The following GABRG1 variants were observed in gnomAD, a reference collection of about 807,000 sequenced individuals.
GABRG1 encodes the protein gamma-aminobutyric acid type A receptor subunit gamma1, also known as gamma-aminobutyric acid receptor subunit gamma-1.
In GABRG1, 49 loss-of-function variants were observed where a neutral mutation model predicts 49.8. The observed-to-expected ratio is 0.98, with a 90% CI of 0.78 to 1.25. The LOEUF (loss-of-function observed/expected upper bound fraction) is 1.25, where lower values mean the gene tolerates loss of function less well. Ranked by LOEUF, GABRG1 falls within the 50% of genes most tolerant of loss-of-function variation. The pLI, the probability that GABRG1 is intolerant of heterozygous loss-of-function variation, is 0.00. For synonymous variants in GABRG1, 232 were observed against 185.1 expected, an observed-to-expected ratio of 1.25 and a Z score of -2.06; for missense variants, 552 against 552.3, an observed-to-expected ratio of 1.00 and a Z score of 0.01.
At position 46,058,298 on chromosome 4, in the gene GABRG1, T is replaced by C. The variant is rs756652892; in HGVS notation, c.835A>G (p.Ile279Val). Residue 279 changes from isoleucine to valine, a missense_variant, in exon 7 of 9, where the codon ATT becomes GTT. Ile to Val is a conservative substitution (Grantham distance 29). Transcript: ENST00000295452. ...AGAACAACTGTCAGAATGCATGGAA[T>C]GTAGGTCTGAATAGTGAAATATCCC... ...RMGYFTIQTY[I>V]PCILTVVLSW... 49 of 1,613,116 alleles carry C rather than the reference T, an allele frequency of 3.0e-5. No homozygotes were observed. The highest frequency in any genetic ancestry group is 3.9e-5 in the Non-Finnish European group (46 of 1,179,422).
In GABRG1 at chr4:46,038,717, G is replaced by C. The variant is rs1717628839; in HGVS notation, c.*2271C>G. 6.6e-6 allele frequency: 1 copy of C among 151,516 alleles called. No individual in the cohort carries two copies. Among genetic ancestry groups the C allele is most frequent in the Non-Finnish European group, 1.5e-5 (1 of 67,634 alleles). 9.4% of individuals were successfully genotyped at this position (151,516 alleles called of 1,614,324 possible). A position where few individuals can be genotyped will look rare whatever the true frequency, so the allele number is the denominator to read the frequency against. On this transcript the variant is annotated 3_prime_UTR_variant, in exon 9 of 9. Transcript: ENST00000295452. ...CTTATTTTTAGAAATAATAAGATTT[G>C]TACGCCATTCTTTCTGATCACACAT... is the stretch of plus-strand genomic sequence containing the variant.
chr4:46,066,482 C>T (rs927182931), intron 3 of GABRG1, among the ~76,000 whole-genome samples: 1 of 152,108 alleles, frequency 6.6e-6, no homozygotes. Context: ...TTTTCAGTAA[C>T]ATCTATTAAT....
At chr4:46,089,468 G>T (rs1719901914) in intron 2 of GABRG1, among the ~76,000 whole-genome samples, 1 of 151,902 alleles carries the variant, frequency 6.6e-6, no homozygotes, top group African/African-American at 2.4e-5. Flanking sequence ...ATAAAGAGAT[G>T]GAATAAAACA....
At chr4:46,061,410 G>A (rs1378450018) in intron 5 of GABRG1, among the ~76,000 whole-genome samples, 1 of 151,994 alleles carries the variant, frequency 6.6e-6, no homozygotes, top group Non-Finnish European at 1.5e-5. Context: ...TGAATAAAAT[G>A]TCATATTACA....
chr4:46,087,451 T>C (rs1322487698), intron 2 of GABRG1, among the ~76,000 whole-genome samples: 2 of 151,694 alleles, frequency 1.3e-5, no homozygotes, highest in Non-Finnish European at 3.0e-5. Flanking sequence ...ATAAAAAAGA[T>C]ATCTTTAAAA....
chr4:46,113,298 G>A (rs947667778), intron 1 of GABRG1, among the ~76,000 whole-genome samples: 12 of 151,192 alleles, frequency 7.9e-5, no homozygotes, highest in Admixed American at 2.6e-4. Context: ...AAGGCAAAGG[G>A]GAAGCAAGGT....
In GABRG1 at chr4:46,100,707, G is replaced by GAC. The variant is rs1553883138; in HGVS notation, c.105-3359_105-3358insGT. On this transcript the variant is annotated intron_variant, in intron 1 of 8. Coordinates refer to ENST00000295452, the MANE Select transcript of GABRG1 (RefSeq NM_173536.4). ...GATTGCAATCAAATGGAAGATTTTA[G>GAC]AAAAAAAAAAAAAAAGCTTTTTCTG... Among the ~76,000 whole-genome samples the GAC allele has an allele frequency of 1.1e-4, 14 of 127,054 alleles. No individual in the cohort carries two copies. In the East Asian group the frequency reaches 2.2e-3, roughly 20 times the overall value. 83.4% of individuals were successfully genotyped at this position (127,054 alleles called of 152,430 possible). A position where few individuals can be genotyped will look rare whatever the true frequency, so the allele number is the denominator to read the frequency against.
At chr4:46,075,185 T>C (rs1449465470) in intron 3 of GABRG1, among the ~76,000 whole-genome samples, 1 of 152,006 alleles carries the variant, frequency 6.6e-6, no homozygotes, top group African/African-American at 2.4e-5. Flanking sequence ...GTAAGTACCA[T>C]TGTTTACTTT....
At chr4:46,049,502 G>C (rs921088033) in intron 8 of GABRG1, among the ~76,000 whole-genome samples, 1 of 151,848 alleles carries the variant, frequency 6.6e-6, no homozygotes, top group Non-Finnish European at 1.5e-5. Flanking sequence ...TACTCAAGTA[G>C]TCAATTATAA....
chr4:46,105,100 C>T (rs1412063101), intron 1 of GABRG1, among the ~76,000 whole-genome samples: 1 of 151,164 alleles, frequency 6.6e-6, no homozygotes, highest in Non-Finnish European at 1.5e-5. Flanking sequence ...AACCAGATTC[C>T]CAAACTCCAT....
intron 3 of GABRG1, among the ~76,000 whole-genome samples, chr4:46,081,426 A>G (rs1056868966): frequency 2.0e-5 from 3 of 151,874 alleles, no homozygotes; most frequent in Non-Finnish European, 2.9e-5. Flanking sequence ...GAATGCTATC[A>G]CTACAGTAAT....
At chr4:46,052,081 T>G (rs184751589) in intron 7 of GABRG1, among the ~76,000 whole-genome samples, 78 of 151,970 alleles carry the variant, frequency 5.1e-4, no homozygotes, top group Admixed American at 9.2e-4. Context: ...TTCCTTCTCA[T>G]TGCCTTCTGC....
intron 7 of GABRG1, among the ~76,000 whole-genome samples, chr4:46,057,826 C>G (rs576505320): frequency 1.3e-5 from 2 of 151,966 alleles, no homozygotes; most frequent in Admixed American, 6.6e-5. Flanking sequence ...CTGCACACCT[C>G]AGTAAATAAA....
intron 1 of GABRG1, among the ~76,000 whole-genome samples, chr4:46,117,590 TTG>T (rs1560376934): frequency 2.3e-5 from 3 of 130,312 alleles, no homozygotes; most frequent in Non-Finnish European, 3.3e-5. Flanking sequence ...CTGTCTCTCT[TTG>T]TCTCTCTCTC....
intron 1 of GABRG1, among the ~76,000 whole-genome samples, chr4:46,117,656 A>G (rs1156375788): frequency 1.4e-5 from 2 of 144,842 alleles, no homozygotes; most frequent in African/African-American, 2.5e-5. Context: ...ATATATATGT[A>G]TATACGTATA....
chr4:46,059,927 T>C (rs1258974443), intron 5 of GABRG1, among the ~76,000 whole-genome samples: 2 of 152,194 alleles, frequency 1.3e-5, no homozygotes, highest in African/African-American at 4.8e-5. Flanking sequence ...AATTGCCCAT[T>C]ATTTATTTTT....
rs995993016 is a variant in GABRG1 at position 46,037,743 on chromosome 4, C to T, written c.*3245G>A. The T allele has an allele frequency of 4.0e-5, 6 of 151,620 alleles. No individual in the cohort carries two copies. Among genetic ancestry groups the T allele is most frequent in the Admixed American group, 3.3e-4 (5 of 15,154 alleles). 9.4% of individuals were successfully genotyped at this position (151,620 alleles called of 1,614,324 possible). ...AATACTGGTTATTTATTTCAATCTA[C>T]TAAAATCATCTTATTTAAAGCTCCT... On this transcript the variant is annotated 3_prime_UTR_variant, in exon 9 of 9. Transcript: ENST00000295452.
intron 3 of GABRG1, among the ~76,000 whole-genome samples, chr4:46,067,273 A>C (rs1718952565): frequency 6.6e-6 from 1 of 152,098 alleles, no homozygotes; most frequent in Non-Finnish European, 1.5e-5. Context: ...CATTTTATCT[A>C]TTTTTGATGA....
Position 46,065,400 on chromosome 4 carries a change from C to A in GABRG1, c.506G>T (p.Arg169Leu). 1 of 1,612,984 alleles carries A rather than the reference C, an allele frequency of 6.2e-7. No homozygotes were observed. ...HWITTPNRLL[R>L]IWNDGRVLYT... Reference sequence around the variant, plus strand: ...CAGAACTCGTCCATCATTCCAAATTCGAAGCAGACGATTAGGAGTTGTTAT... The same window carrying A: ...CAGAACTCGTCCATCATTCCAAATTAGAAGCAGACGATTAGGAGTTGTTAT... Residue 169 changes from arginine (R) to leucine (L), a missense_variant, in exon 4 of 9, where the codon CGA becomes CTA. Transcript: ENST00000295452.
Sources: allele counts gnomAD v4.1 joint callset (sites outside exome capture counted in the v4.1 genomes callset), GRCh38; gene constraint gnomAD v4.1.1; transcripts MANE v1.5; gene names NCBI Gene and HGNC (gene_info 2026-07-23, HGNC 2026-07-21).